Variants in CYB5R4 observed in about 807,000 individuals in gnomAD.
CYB5R4 encodes N-terminal cytochrome b5 and cytochrome b5 oxidoreductase domain-containing protein.
Under a neutral mutation model 70.2 loss-of-function variants are expected in CYB5R4, and 55 were observed. That is an observed-to-expected ratio of 0.78 (90% CI 0.63 to 0.98). The LOEUF is 0.98. Among genes scored for constraint, CYB5R4 ranks in the 50% least tolerant of loss-of-function variants. The pLI is 0.00. For synonymous variants in CYB5R4, 197 were observed against 199.5 expected (o/e 0.99, Z 0.11); for missense variants, 562 against 612.6 (o/e 0.92, Z 0.87).
rs1301229005 is a variant in CYB5R4, at chr6:83,960,736, T to A, written c.*858T>A. On this transcript the variant is annotated 3_prime_UTR_variant, in exon 16 of 16. Transcript: ENST00000369681. ...AATCAGCTGGAAAAATGAGGAACAT[T>A]CTGCCTTGAATGGTTCTTCCCCTGG... 1 of 152,232 alleles carries A rather than the reference T, an allele frequency of 6.6e-6. No individual in the cohort carries two copies. Among genetic ancestry groups the A allele is most frequent in the African/African-American group, 2.4e-5 (1 of 41,464 alleles). 9.4% of individuals were successfully genotyped at this position (152,232 alleles called of 1,614,324 possible).
At position 83,965,816 on chromosome 6, in the gene CYB5R4, G is replaced by A. The variant is rs76085717; in HGVS notation, c.*5938G>A. 2 of 152,232 alleles carry A rather than the reference G, an allele frequency of 1.3e-5. No homozygotes were observed. The highest frequency in any genetic ancestry group is 2.4e-5 in the African/African-American group (1 of 41,534). 9.4% of individuals were successfully genotyped at this position (152,232 alleles called of 1,614,324 possible). On this transcript the variant is annotated 3_prime_UTR_variant, in exon 16 of 16. Coordinates refer to ENST00000369681, the MANE Select transcript of CYB5R4 (RefSeq NM_016230.4). ...GTGGGAGATAATTTGAATCATGGGG[G>A]TGGTTTCCCCCATACTGTTCTCATG...
At chr6:83,863,241 G>A (rs543741313) in intron 1 of CYB5R4, among the ~76,000 whole-genome samples, 1 of 152,314 alleles carries the variant, frequency 6.6e-6, no homozygotes, top group South Asian at 2.1e-4. Flanking sequence ...GCCAGGTGGT[G>A]TTTTCGGCTT....
chr6:83,955,056 AT>A (rs2099472130), intron 14 of CYB5R4, among the ~76,000 whole-genome samples: 1 of 152,026 alleles, frequency 6.6e-6, no homozygotes, highest in Non-Finnish European at 1.5e-5. Context: ...AATTAGTTCA[AT>A]TTAAAAAAAA....
chr6:83,881,763 A>G (rs1469761124), intron 2 of CYB5R4, among the ~76,000 whole-genome samples: 1 of 152,172 alleles, frequency 6.6e-6, no homozygotes, highest in African/African-American at 2.4e-5. Context: ...CAGCCATTTT[A>G]GAAAGTTTTC....
intron 5 of CYB5R4, among the ~76,000 whole-genome samples, chr6:83,917,625 T>G (rs1238931635): frequency 6.6e-6 from 1 of 152,160 alleles, no homozygotes; most frequent in Admixed American, 6.5e-5. Context: ...TTTATCATGC[T>G]TATTTCACAT....
chr6:83,915,027 A>G (rs889931458), intron 5 of CYB5R4, among the ~76,000 whole-genome samples: 18 of 152,256 alleles, frequency 1.2e-4, no homozygotes, highest in African/African-American at 4.3e-4. Context: ...TTCCTCAGAA[A>G]CAAGACAAAA....
chr6:83,925,648 A>G (rs1266725926), intron 10 of CYB5R4, among the ~76,000 whole-genome samples: 1 of 152,158 alleles, frequency 6.6e-6, no homozygotes, highest in Non-Finnish European at 1.5e-5. Flanking sequence ...CAGAACATGG[A>G]TGATTTTTCA....
intron 2 of CYB5R4, among the ~76,000 whole-genome samples, chr6:83,876,152 C>G (rs1040869395): frequency 2.6e-5 from 4 of 152,262 alleles, no homozygotes; most frequent in Admixed American, 2.0e-4. Context: ...CTGGACAGTT[C>G]TCTAATATAG....
chr6:83,914,497 A>G (rs1562837638), intron 5 of CYB5R4, 49 bp downstream of exon 5: 11 of 1,421,160 alleles, frequency 7.7e-6, no homozygotes, highest in Non-Finnish European at 9.5e-6. Context: ...ATGCTTATGA[A>G]TAGTATTGAT....
chr6:83,946,978 G>T (rs1588585644), intron 14 of CYB5R4, among the ~76,000 whole-genome samples: 1 of 152,128 alleles, frequency 6.6e-6, no homozygotes, highest in African/African-American at 2.4e-5. Flanking sequence ...TGGCCATACT[G>T]CCCAAAGTAA....
chr6:83,874,657 T>TTC (rs1240904232), intron 2 of CYB5R4, among the ~76,000 whole-genome samples: 10 of 152,018 alleles, frequency 6.6e-5, no homozygotes, highest in Non-Finnish European at 1.5e-4. Context: ...TTCCAGCAGC[T>TTC]TCTTTCCTTC....
intron 10 of CYB5R4, among the ~76,000 whole-genome samples, chr6:83,931,260 A>G (rs191425880): frequency 2.6e-5 from 4 of 152,354 alleles, no homozygotes; most frequent in Admixed American, 6.5e-5. Context: ...ACTCCATCCC[A>G]CATCTTTTCC....
chr6:83,909,936 A>G (rs568363113), intron 4 of CYB5R4: 12 of 1,276,282 alleles, frequency 9.4e-6, no homozygotes, highest in African/African-American at 3.0e-5. Context: ...TCTGGCCTAA[A>G]ATGTTAATAG....
At chr6:83,884,942 G>A (rs1453815171) in intron 2 of CYB5R4, among the ~76,000 whole-genome samples, 2 of 152,198 alleles carry the variant, frequency 1.3e-5, no homozygotes, top group East Asian at 1.9e-4. Context: ...CGGAAATAAC[G>A]CTTTTACTTA....
At chr6:83,867,086 G>A (rs2099456843) in intron 2 of CYB5R4, among the ~76,000 whole-genome samples, 1 of 152,210 alleles carries the variant, frequency 6.6e-6, no homozygotes, top group African/African-American at 2.4e-5. Context: ...GATGGAGGAA[G>A]GATAAATTAT....
At chr6:83,950,163 T>G (rs2129144892) in intron 14 of CYB5R4, among the ~76,000 whole-genome samples, 1 of 152,288 alleles carries the variant, frequency 6.6e-6, no homozygotes, top group Non-Finnish European at 1.5e-5. Context: ...AATCTGATTT[T>G]CATGTCATTA....
intron 3 of CYB5R4, among the ~76,000 whole-genome samples, chr6:83,894,478 CT>C (rs1272861182): frequency 6.6e-6 from 1 of 152,064 alleles, no homozygotes; most frequent in East Asian, 1.9e-4. Flanking sequence ...CATTTTAGGA[CT>C]TGTTTTTTGA....
chr6:83,866,641 G>T (rs1478824377), intron 2 of CYB5R4, among the ~76,000 whole-genome samples: 3 of 151,780 alleles, frequency 2.0e-5, no homozygotes, highest in African/African-American at 7.3e-5. Flanking sequence ...AAGGAGACAG[G>T]ATCTCGCTTT....
At chr6:83,924,971 A>G (rs1367402920) in intron 10 of CYB5R4, among the ~76,000 whole-genome samples, 1 of 152,068 alleles carries the variant, frequency 6.6e-6, no homozygotes, top group Non-Finnish European at 1.5e-5. Flanking sequence ...AGACATGTTT[A>G]CTATTTTTCT....
Sources: allele counts gnomAD v4.1 joint callset (sites outside exome capture counted in the v4.1 genomes callset), GRCh38; gene constraint gnomAD v4.1.1; transcripts MANE v1.5; gene names NCBI Gene and HGNC (gene_info 2026-07-23, HGNC 2026-07-21).